The following BICD2 variants were observed in gnomAD, a reference collection of about 807,000 sequenced individuals.
The protein encoded by BICD2 is protein bicaudal D homolog 2.
BICD2 carries 25 observed loss-of-function variants against 72.9 expected under a neutral mutation model. The observed-to-expected ratio is 0.34, with a 90% CI of 0.25 to 0.48. The LOEUF (loss-of-function observed/expected upper bound fraction) is 0.48. BICD2 is among the 20% of genes least tolerant of loss of function. The pLI is 0.99. For missense variants in BICD2, 894 were observed against 1,175.2 expected, an observed-to-expected ratio of 0.76 and a Z score of 3.50; for synonymous variants, 501 against 516.1, an observed-to-expected ratio of 0.97 and a Z score of 0.40.
intron 1 of BICD2, among the ~76,000 whole-genome samples, chr9:92,762,434 A>C (rs1408512918): frequency 6.6e-6 from 1 of 152,192 alleles, no homozygotes; most frequent in African/African-American, 2.4e-5. Flanking sequence ...GACCGAGCAG[A>C]AACATTCTTA....
At chr9:92,755,953 G>A (rs890610204) in intron 1 of BICD2, among the ~76,000 whole-genome samples, 1 of 152,218 alleles carries the variant, frequency 6.6e-6, no homozygotes, top group Non-Finnish European at 1.5e-5. Flanking sequence ...CCCAGAGAGG[G>A]GAGAGACTGG....
intron 2 of BICD2, among the ~76,000 whole-genome samples, chr9:92,727,678 C>T (rs191417062): frequency 6.6e-6 from 1 of 152,334 alleles, no homozygotes; most frequent in East Asian, 1.9e-4. Flanking sequence ...GGGGCCTCAT[C>T]CTTCCTCAGA....
chr9:92,723,350 C>T (rs549657860), intron 2 of BICD2, among the ~76,000 whole-genome samples: 1 of 152,340 alleles, frequency 6.6e-6, no homozygotes, highest in South Asian at 2.1e-4. Flanking sequence ...AAAATGTGGT[C>T]TCTCCACACA....
chr9:92,736,394 G>A (rs966966327), intron 1 of BICD2, among the ~76,000 whole-genome samples: 3 of 152,128 alleles, frequency 2.0e-5, no homozygotes, highest in Non-Finnish European at 4.4e-5. Context: ...GTTTACAGAT[G>A]CCACAGCCCG....
At chr9:92,753,697 G>A (rs758320987) in intron 1 of BICD2, among the ~76,000 whole-genome samples, 1 of 151,564 alleles carries the variant, frequency 6.6e-6, no homozygotes, top group Non-Finnish European at 1.5e-5. Context: ...CGCCACCAAG[G>A]CCGGCTAATT....
At position 92,744,178 on chromosome 9, in the gene BICD2, G is replaced by T. The variant is rs536792239; in HGVS notation, c.241-14942C>A. On this transcript the variant is annotated intron_variant, in intron 1 of 6. Coordinates refer to ENST00000356884, the MANE Select transcript of BICD2 (RefSeq NM_001003800.2). ...CTACCTGACAGTGGGTGAGGAAGGC[G>T]TGGTATATCCACACAAATGAATCCC... 2.6e-4 allele frequency among the ~76,000 whole-genome samples: 39 copies of T among 152,314 alleles called. No homozygotes were observed. In the South Asian group the frequency reaches 8.1e-3, roughly 32 times the overall value.
intron 1 of BICD2, among the ~76,000 whole-genome samples, chr9:92,752,694 T>G (rs1371852621): frequency 6.6e-6 from 1 of 152,160 alleles, no homozygotes; most frequent in Non-Finnish European, 1.5e-5. Flanking sequence ...GAGGTCAAAG[T>G]TGCAGTGAGT....
chr9:92,747,858 T>C (rs1854047642), intron 1 of BICD2, among the ~76,000 whole-genome samples: 1 of 152,054 alleles, frequency 6.6e-6, no homozygotes. Flanking sequence ...ATCTGTGGCA[T>C]GAATGGAAGA....
At chr9:92,722,610 C>A in intron 3 of BICD2, 46 bp downstream of exon 3, 1 of 1,611,604 alleles carries the variant, frequency 6.2e-7, no homozygotes, top group East Asian at 2.2e-5. Flanking sequence ...TCCTCAAGGC[C>A]CAGTTAACCC....
At chr9:92,733,977 A>T (rs1241996830) in intron 1 of BICD2, among the ~76,000 whole-genome samples, 4 of 152,210 alleles carry the variant, frequency 2.6e-5, no homozygotes, top group Non-Finnish European at 4.4e-5. Flanking sequence ...AAAAAAAAAA[A>T]AGCTCAAACC....
Position 92,711,838 on chromosome 9 carries a change from T to C in BICD2, c.*3316A>G, listed in dbSNP as rs1853201029. 6.6e-6 allele frequency: 1 copy of C among 152,526 alleles called. No individual in the cohort carries two copies. The highest frequency in any genetic ancestry group is 6.5e-5 in the Admixed American group (1 of 15,288). The allele number at this position is 152,526 out of a possible 1,614,324, so 9.4% of individuals were successfully genotyped here. On this transcript the variant is annotated 3_prime_UTR_variant, in exon 7 of 7. Coordinates refer to ENST00000356884, the MANE Select transcript of BICD2 (RefSeq NM_001003800.2). ...AGAATTCTTTTATTTTTGTCATTTA[T>C]ATTATTATAATTTTTCCTTTTTTGG...
chr9:92,719,369 C>T lies in BICD2; in HGVS notation c.1276G>A (p.Glu426Lys), dbSNP rs184465241. 8.1e-6 allele frequency: 13 copies of T among 1,614,218 alleles called. No homozygotes were observed. In the East Asian group the frequency reaches 2.0e-4, roughly 25 times the overall value. The change falls in exon 5 of 7, where the codon GAG (glutamate) becomes AAG (lysine). Residue 426 changes from glutamate to lysine, a missense_variant. Around this residue, in one of 5 missense-constraint regions of BICD2, gnomAD observed 371 missense variants for 439.1 expected, o/e 0.84. Coordinates refer to ENST00000356884, the MANE Select transcript of BICD2 (RefSeq NM_001003800.2). ...ATCTCAGGCCCGTTGATGTCCACCT[C>T]GTAGTAGTCCCCATCCTCATGGCTG... is the stretch of plus-strand genomic sequence containing the variant. ...RDSHEDGDYY[E>K]VDINGPEILA... is the part of the protein sequence containing the mutation.
At position 92,732,591 on chromosome 9, in the gene BICD2, A is replaced by G. The variant is rs117724552; in HGVS notation, c.241-3355T>C. Among the ~76,000 whole-genome samples the G allele has an allele frequency of 3.2e-4, 49 of 152,342 alleles. No individual in the cohort carries two copies. The East Asian group carries it at 9.2e-3, about 29-fold the overall frequency. On this transcript the variant is annotated intron_variant, in intron 1 of 6. Transcript: ENST00000356884. ...AAATCAGCCAGAAGAAAAAGGATAC[A>G]TGACTCAAGAGGAGCAAAGATAAAT... is the stretch of plus-strand genomic sequence containing the variant.
Position 92,713,417 on chromosome 9 carries a change from G to A in BICD2, c.*1737C>T. ...AGAGGGAAGGGGAAGGGGCTGCAGT[G>A]TGACAGGGCCGGGTGGCCAAGTCCT... On this transcript the variant is annotated 3_prime_UTR_variant, in exon 7 of 7. Coordinates refer to ENST00000356884, the MANE Select transcript of BICD2 (RefSeq NM_001003800.2). 1.3e-6 allele frequency: 2 copies of A among 1,576,436 alleles called. No homozygotes were observed. Among genetic ancestry groups the A allele is most frequent in the Non-Finnish European group, 1.7e-6 (2 of 1,158,044 alleles).
chr9:92,713,992 AG>A lies in BICD2; in HGVS notation c.*1161del. 1.0e-6 allele frequency: 1 copy of A among 987,460 alleles called. No individual in the cohort carries two copies. The highest frequency in any genetic ancestry group is 1.2e-6 in the Non-Finnish European group (1 of 831,156). The allele number at this position is 987,460 out of a possible 1,614,324, so 61.2% of individuals were successfully genotyped here. On this transcript the variant is annotated 3_prime_UTR_variant, in exon 7 of 7. Transcript: ENST00000356884. ...CAGGGTGATCGGGAAAAAAGTACTG[AG>A]AAAAGTTCTGCTCAGAATGTGGGAA...
At chr9:92,735,689 C>A (rs1018773207) in intron 1 of BICD2, among the ~76,000 whole-genome samples, 5 of 151,968 alleles carry the variant, frequency 3.3e-5, no homozygotes, top group African/African-American at 7.3e-5. Flanking sequence ...AAGCAAACAG[C>A]ACCTGACCTC....
At chr9:92,763,237 C>T (rs1407225612) in intron 1 of BICD2, among the ~76,000 whole-genome samples, 1 of 152,172 alleles carries the variant, frequency 6.6e-6, no homozygotes, top group Non-Finnish European at 1.5e-5. Flanking sequence ...ACAGACGGGT[C>T]TCCTCAGACA....
chr9:92,749,788 G>A (rs575979707), intron 1 of BICD2, among the ~76,000 whole-genome samples: 180 of 152,362 alleles, frequency 1.2e-3, no homozygotes, highest in Middle Eastern at 3.4e-3. Flanking sequence ...GGGGCCTGGG[G>A]ACCAGCCCTC....
chr9:92,763,390 A>G (rs1010823), intron 1 of BICD2, among the ~76,000 whole-genome samples: 41,829 of 151,970 alleles, frequency 0.28, 6,870 homozygotes, highest in East Asian at 0.76. Context: ...CACACCACCA[A>G]GCTATACTCC....
Sources: allele counts gnomAD v4.1 joint callset (sites outside exome capture counted in the v4.1 genomes callset), GRCh38; gene constraint gnomAD v4.1.1; regional missense constraint gnomAD v4.1.1; transcripts MANE v1.5; gene names NCBI Gene and HGNC (gene_info 2026-07-23, HGNC 2026-07-21).